The following SORL1 variants were observed in gnomAD, a reference collection of about 807,000 sequenced individuals.
The protein encoded by SORL1 is sortilin related receptor 1, also known as sortilin-related receptor.
In SORL1, 127 loss-of-function variants were observed where a neutral mutation model predicts 273.7. The ratio of observed to expected loss-of-function variants is 0.46; its 90% CI spans 0.40 to 0.54. The LOEUF (loss-of-function observed/expected upper bound fraction) is 0.54. Among genes scored for constraint, SORL1 ranks in the 20% least tolerant of loss-of-function variants. SORL1 has a pLI of 0.00. For missense variants in SORL1, 2,494 were observed against 2,846.1 expected (o/e 0.88, Z 2.81); for synonymous variants, 1,031 against 1,067.4 (o/e 0.97, Z 0.66).
chr11:121,619,587 C>G (rs1054671393), intron 42 of SORL1, among the ~76,000 whole-genome samples, 166 bp from the exon 43 acceptor site: 2 of 152,104 alleles, frequency 1.3e-5, no homozygotes, highest in African/African-American at 4.8e-5. Context: ...CCAGTGGTAC[C>G]TCTTGGAAAA....
At chr11:121,620,243 T>A (rs545921566) in intron 43 of SORL1, among the ~76,000 whole-genome samples, 15 of 152,360 alleles carry the variant, frequency 9.8e-5, no homozygotes, top group Admixed American at 7.8e-4. Flanking sequence ...CCTATTTTTT[T>A]AAAATAAAGT....
At chr11:121,471,912 T>C (rs1053528004) in intron 2 of SORL1, among the ~76,000 whole-genome samples, 12 of 152,150 alleles carry the variant, frequency 7.9e-5, no homozygotes, top group Non-Finnish European at 1.5e-4. Flanking sequence ...TTTGGGGCAA[T>C]GACTTTGGCC....
chr11:121,600,345 A>C (rs895959757), intron 32 of SORL1, among the ~76,000 whole-genome samples: 2 of 152,198 alleles, frequency 1.3e-5, no homozygotes, highest in African/African-American at 4.8e-5. Flanking sequence ...AATACACCAA[A>C]ACTAACACAG....
rs1426377718 is a variant in SORL1 at position 121,452,592 on chromosome 11, C to T, written c.261C>T (p.Pro87=). 2.6e-6 allele frequency: 4 copies of T among 1,521,362 alleles called. No individual in the cohort carries two copies. The highest frequency in any genetic ancestry group is 3.5e-6 in the Non-Finnish European group (4 of 1,142,210). The allele number at this position is 1,521,362 out of a possible 1,614,324, so 94.2% of individuals were successfully genotyped here. Residue 87 remains proline (P), a synonymous_variant, in exon 1 of 48, where the codon CCC becomes CCT. Transcript: ENST00000260197. This position sits in a 1 kb window ranked among gnomAD's most constrained non-coding sequence, Gnocchi z 5.3. ...GGAAACGGAGCGCTGCCCTGCAGCC[C>T]GAGCCCATCAAGGTGTACGGACAGG... ...LRRKRSAALQ[P]EPIKVYGQVS...
chr11:121,487,347 C>G (rs1471994812), intron 3 of SORL1, among the ~76,000 whole-genome samples: 1 of 152,224 alleles, frequency 6.6e-6, no homozygotes, highest in Non-Finnish European at 1.5e-5. Context: ...GGAATTCTTT[C>G]AGCCGCAGCC....
At chr11:121,506,026 G>A (rs2134834864) in intron 6 of SORL1, among the ~76,000 whole-genome samples, 1 of 152,226 alleles carries the variant, frequency 6.6e-6, no homozygotes. Context: ...TATATTGAAG[G>A]TGGGAAAATC....
chr11:121,606,761 T>G, intron 35 of SORL1, 84 bp from the exon 36 acceptor site: 5 of 803,434 alleles, frequency 6.2e-6, no homozygotes, highest in Non-Finnish European at 6.3e-6. Context: ...GGAGTCGTTC[T>G]TGTCCTTGTT....
Position 121,462,057 on chromosome 11 carries a change from G to A in SORL1, c.286-7950G>A, listed in dbSNP as rs192807638. Among the ~76,000 whole-genome samples, 30 of 152,298 alleles carry A rather than the reference G, an allele frequency of 2.0e-4. 1 individual carries two copies. In the South Asian group the frequency reaches 3.9e-3, roughly 20 times the overall value. ...CTTGAAAAGGTGAAGTGACTTACCC[G>A]TAGTTAGACAGGTGGTAAACCGGAG... On this transcript the variant is annotated intron_variant, in intron 1 of 47. Transcript: ENST00000260197.
intron 8 of SORL1, among the ~76,000 whole-genome samples, chr11:121,517,256 G>A (rs1861969422): frequency 6.6e-6 from 1 of 152,042 alleles, no homozygotes; most frequent in Admixed American, 6.6e-5. Flanking sequence ...CCCAGCCCCT[G>A]GCAGCCGTCA....
intron 18 of SORL1, among the ~76,000 whole-genome samples, chr11:121,555,636 CA>C (rs1715715025): frequency 6.6e-6 from 1 of 151,970 alleles, no homozygotes; most frequent in African/African-American, 2.4e-5. Context: ...AACATGATGG[CA>C]AAAACTACAA....
chr11:121,475,745 T>TG (rs1861256820), intron 2 of SORL1, among the ~76,000 whole-genome samples: 1 of 152,256 alleles, frequency 6.6e-6, no homozygotes, highest in Admixed American at 6.5e-5. Flanking sequence ...GTCATAGTTT[T>TG]GTCTCTTACT....
chr11:121,533,274 T>C (rs776585246), intron 12 of SORL1, among the ~76,000 whole-genome samples: 1 of 152,050 alleles, frequency 6.6e-6, no homozygotes, highest in Non-Finnish European at 1.5e-5. Context: ...GGAAGGGGTG[T>C]TTAGGGTTAA....
chr11:121,588,176 T>G (rs1591340698), intron 28 of SORL1, 25 bp downstream of exon 28: 1 of 1,610,452 alleles, frequency 6.2e-7, no homozygotes, highest in East Asian at 2.2e-5. Context: ...GCAGGGGAGG[T>G]GACTCACGGT....
At chr11:121,480,056 C>G (rs1861348825) in intron 3 of SORL1, among the ~76,000 whole-genome samples, 1 of 152,130 alleles carries the variant, frequency 6.6e-6, no homozygotes, top group African/African-American at 2.4e-5. Flanking sequence ...GGTGAGGAGC[C>G]CTGACCAGGG....
intron 26 of SORL1, among the ~76,000 whole-genome samples, chr11:121,584,107 A>G (rs1863056280): frequency 6.6e-6 from 1 of 152,198 alleles, no homozygotes; most frequent in South Asian, 2.1e-4. Flanking sequence ...TAGTACCACT[A>G]TTCGTGTCTT....
chr11:121,543,409 A>T, intron 12 of SORL1, 139 bp from the exon 13 acceptor site: 1 of 667,002 alleles, frequency 1.5e-6, no homozygotes, highest in Non-Finnish European at 2.6e-6. Context: ...GCATTTCCTT[A>T]AACTTTCCCT....
At chr11:121,590,833 A>G (rs762526485) in intron 30 of SORL1, 168 bp from the exon 31 acceptor site, 4 of 790,774 alleles carry the variant, frequency 5.1e-6, no homozygotes, top group South Asian at 2.7e-5. Flanking sequence ...CTGACAACCC[A>G]TTATACATGA....
At chr11:121,517,535 C>T (rs531938471) in intron 8 of SORL1, among the ~76,000 whole-genome samples, 8 of 152,254 alleles carry the variant, frequency 5.3e-5, no homozygotes, top group Non-Finnish European at 8.8e-5. Flanking sequence ...ATTGAAAGCC[C>T]CTGGCTGTGG....
Position 121,520,659 on chromosome 11 carries a change from A to C in SORL1, c.1214A>C (p.Tyr405Ser), listed in dbSNP as rs1211032560. 9 of 1,561,402 alleles carry C rather than the reference A, an allele frequency of 5.8e-6. No homozygotes were observed. The highest frequency in any genetic ancestry group is 2.8e-5 in the African/African-American group (2 of 72,672). Residue 405 changes from tyrosine (Y) to serine (S), a missense_variant and splice_region_variant, in exon 9 of 48, where the codon TAT becomes TCT. Coordinates refer to ENST00000260197, the MANE Select transcript of SORL1 (RefSeq NM_003105.6). ...GGAGSDTLVR[Y>S]FANEPFADFH... ...AGCTGTTTATTTTCATATTGTAGGT[A>C]TTTTGCAAATGAACCATTTGCTGAC...
Sources: allele counts gnomAD v4.1 joint callset (sites outside exome capture counted in the v4.1 genomes callset), GRCh38; gene constraint gnomAD v4.1.1; non-coding constraint Gnocchi (gnomAD v3.1); transcripts MANE v1.5; gene names NCBI Gene and HGNC (gene_info 2026-07-23, HGNC 2026-07-21).